HPCAL1: variants seen among roughly 807,000 people sequenced by gnomAD.
HPCAL1 encodes hippocalcin like 1.
In HPCAL1, 8 loss-of-function variants were observed where a neutral mutation model predicts 17.1. The observed-to-expected ratio is 0.47, with a 90% CI of 0.27 to 0.84. HPCAL1 has a LOEUF of 0.84. Ranked by LOEUF, HPCAL1 falls within the 40% of genes least tolerant of loss-of-function variation. HPCAL1 has a pLI of 0.13. For synonymous variants in HPCAL1, 112 were observed against 111.4 expected (o/e 1.01, Z -0.03); for missense variants, 165 against 271.1 (o/e 0.61, Z 2.75).
rs1255808103 is a variant in HPCAL1 at position 10,304,206 on chromosome 2, G to T, written c.-111+1029G>T. Among the ~76,000 whole-genome samples the T allele has an allele frequency of 6.6e-6, 1 of 151,684 alleles. No individual in the cohort carries two copies. The highest frequency in any genetic ancestry group is 1.5e-5 in the Non-Finnish European group (1 of 67,880). On this transcript the variant is annotated intron_variant, in intron 1 of 4. Transcript: ENST00000307845. This position sits in a 1 kb window ranked among gnomAD's most constrained non-coding sequence, Gnocchi z 4.1. Reference sequence around the variant, plus strand: ...CCTGCCCCAGCCCCCAGGCTCCCGCGCAAGCGTGGGGGTCCCTCTCCTGGC... The same window carrying T: ...CCTGCCCCAGCCCCCAGGCTCCCGCTCAAGCGTGGGGGTCCCTCTCCTGGC...
At chr2:10,376,106 A>G (rs2110663) in intron 1 of HPCAL1, among the ~76,000 whole-genome samples, 152,287 of 152,290 alleles carry the variant, frequency 1, 76,142 homozygotes, top group Non-Finnish European at 1. Context: ...CATGTGACAC[A>G]TTGGCTCCCC....
intron 3 of HPCAL1, among the ~76,000 whole-genome samples, chr2:10,422,478 G>A (rs944881606): frequency 3.9e-5 from 6 of 152,290 alleles, no homozygotes; most frequent in South Asian, 4.1e-4. Context: ...CTGAGCCCTC[G>A]GCTGACAGTG....
At chr2:10,352,347 TC>T (rs1665893422) in intron 1 of HPCAL1, among the ~76,000 whole-genome samples, 1 of 152,154 alleles carries the variant, frequency 6.6e-6, no homozygotes, top group Non-Finnish European at 1.5e-5. Context: ...CTTTTTCCCT[TC>T]CCCATCCCTT....
rs73161251 is a variant in HPCAL1 at position 10,331,052 on chromosome 2, C to G, written c.-111+27875C>G. 0.026 allele frequency among the ~76,000 whole-genome samples: 3,971 copies of G among 152,276 alleles called. 181 individuals carry two copies. Among genetic ancestry groups the G allele is most frequent in the African/African-American group, 0.09 (3,736 of 41,538 alleles). On this transcript the variant is annotated intron_variant, in intron 1 of 4. Transcript: ENST00000307845. This position sits in a 1 kb window ranked among gnomAD's most constrained non-coding sequence, Gnocchi z 5.0. ...TCTTGGCTTCTTCCTCATCCCGCCTCTCGCTCCATCTCGTGGCCTCCCATC... is the reference window on the plus strand; with the variant it reads ...TCTTGGCTTCTTCCTCATCCCGCCTGTCGCTCCATCTCGTGGCCTCCCATC...
intron 1 of HPCAL1, among the ~76,000 whole-genome samples, chr2:10,371,885 A>G (rs556346892): frequency 7.9e-5 from 12 of 152,280 alleles, no homozygotes; most frequent in Non-Finnish European, 1.2e-4. Flanking sequence ...CACTGGCTTC[A>G]GGTCAGGGCT....
intron 1 of HPCAL1, among the ~76,000 whole-genome samples, chr2:10,322,781 C>A (rs530602532): frequency 1.3e-5 from 2 of 152,196 alleles, no homozygotes; most frequent in Non-Finnish European, 2.9e-5. Context: ...ACCGCCTGAA[C>A]CTTGGATCTC....
chr2:10,386,752 CA>C (rs1363876065), intron 1 of HPCAL1, among the ~76,000 whole-genome samples: 1 of 152,190 alleles, frequency 6.6e-6, no homozygotes, highest in Non-Finnish European at 1.5e-5. Flanking sequence ...TTCAGATGGC[CA>C]GCTGGAGCAC....
At chr2:10,414,079 G>A (rs1023056395) in intron 2 of HPCAL1, among the ~76,000 whole-genome samples, 3 of 152,228 alleles carry the variant, frequency 2.0e-5, no homozygotes, top group African/African-American at 4.8e-5. Context: ...CAGAGGTTCC[G>A]GGGCTCTCCC....
intron 1 of HPCAL1, among the ~76,000 whole-genome samples, chr2:10,333,857 C>T (rs1664541426): frequency 6.6e-6 from 1 of 152,170 alleles, no homozygotes; most frequent in African/African-American, 2.4e-5. Context: ...CTAATGCCAT[C>T]AAGAACATCA....
chr2:10,374,157 G>A (rs1667399330), intron 1 of HPCAL1, among the ~76,000 whole-genome samples: 1 of 137,214 alleles, frequency 7.3e-6, no homozygotes, highest in African/African-American at 3.4e-5. Flanking sequence ...GGCATCCTAA[G>A]TCCCCCGAGT....
intron 2 of HPCAL1, among the ~76,000 whole-genome samples, chr2:10,400,736 C>T (rs140001483): frequency 1.6e-4 from 25 of 152,124 alleles, no homozygotes; most frequent in Non-Finnish European, 2.6e-4. Context: ...TGGGCAGACA[C>T]GTGCCTGCAC....
chr2:10,338,838 A>G (rs1034599856), intron 1 of HPCAL1, among the ~76,000 whole-genome samples: 1 of 152,218 alleles, frequency 6.6e-6, no homozygotes, highest in Non-Finnish European at 1.5e-5. Flanking sequence ...AGCCAGAAGC[A>G]TGGTGCAGTG....
chr2:10,373,013 G>A (rs543405965), intron 1 of HPCAL1, among the ~76,000 whole-genome samples: 14 of 152,376 alleles, frequency 9.2e-5, no homozygotes, highest in African/African-American at 3.1e-4. Flanking sequence ...CACAGGCGCT[G>A]CCTGACTCTC....
At chr2:10,314,696 A>T (rs1489883531) in intron 1 of HPCAL1, among the ~76,000 whole-genome samples, 1 of 152,228 alleles carries the variant, frequency 6.6e-6, no homozygotes, top group Non-Finnish European at 1.5e-5. Flanking sequence ...GGTCAGCCAA[A>T]CTTCTTAACT....
chr2:10,415,718 G>A (rs1314028955), intron 2 of HPCAL1, among the ~76,000 whole-genome samples: 3 of 152,130 alleles, frequency 2.0e-5, no homozygotes, highest in African/African-American at 7.2e-5. Context: ...TTATTCGGGG[G>A]GAGTCCAGAG....
At position 10,407,265 on chromosome 2, in the gene HPCAL1, C is replaced by T. The variant is rs140233019; in HGVS notation, c.-25+10345C>T. Among the ~76,000 whole-genome samples the T allele has an allele frequency of 8.3e-3, 1,271 of 152,300 alleles. 65 individuals carry two copies. Among genetic ancestry groups the T allele is most frequent in the Admixed American group, 0.077 (1,184 of 15,296 alleles). ...TTCCAGAATACCGAGTCTGAATGTG[C>T]CTTCTTGGAGCAGCTTCAAATCTGA... On this transcript the variant is annotated intron_variant, in intron 2 of 4. Coordinates refer to ENST00000307845, the MANE Select transcript of HPCAL1 (RefSeq NM_002149.4).
At chr2:10,308,512 G>A (rs1335425705) in intron 1 of HPCAL1, among the ~76,000 whole-genome samples, 1 of 152,152 alleles carries the variant, frequency 6.6e-6, no homozygotes, top group African/African-American at 2.4e-5. Flanking sequence ...TGTTTTCATA[G>A]GTTCGGCCCA....
intron 2 of HPCAL1, among the ~76,000 whole-genome samples, chr2:10,401,951 A>G (rs925046317): frequency 2.6e-5 from 4 of 152,106 alleles, no homozygotes; most frequent in African/African-American, 9.7e-5. Context: ...CCCAGGCTGG[A>G]GTGCAGTGGT....
At chr2:10,366,178 G>A (rs1262352460) in intron 1 of HPCAL1, among the ~76,000 whole-genome samples, 1 of 152,180 alleles carries the variant, frequency 6.6e-6, no homozygotes, top group East Asian at 1.9e-4. Context: ...CAAGGTCAGT[G>A]GGTGTGTCTT....
Sources: allele counts gnomAD v4.1 joint callset (sites outside exome capture counted in the v4.1 genomes callset), GRCh38; gene constraint gnomAD v4.1.1; non-coding constraint Gnocchi (gnomAD v3.1); transcripts MANE v1.5; gene names NCBI Gene and HGNC (gene_info 2026-07-23, HGNC 2026-07-21).